The following AUTS2 variants were observed in gnomAD, a reference collection of about 807,000 sequenced individuals.
AUTS2 encodes autism susceptibility gene 2 protein.
In AUTS2, 17 loss-of-function variants were observed where a neutral mutation model predicts 112.4. The observed-to-expected ratio is 0.15, with a 90% CI of 0.10 to 0.23. AUTS2 has a LOEUF of 0.23. Ranked by LOEUF, AUTS2 falls within the 10% of genes least tolerant of loss-of-function variation. AUTS2 has a pLI of 1.00. For missense variants in AUTS2, 1,510 were observed against 1,701.6 expected (o/e 0.89, Z 1.98); for synonymous variants, 751 against 702.7 (o/e 1.07, Z -1.09).
intron 4 of AUTS2, among the ~76,000 whole-genome samples, chr7:70,414,248 A>G (rs939260874): frequency 1.3e-5 from 2 of 152,130 alleles, no homozygotes; most frequent in African/African-American, 2.4e-5. Flanking sequence ...TTGGCCCATC[A>G]TGTAGAGTAA....
intron 4 of AUTS2, among the ~76,000 whole-genome samples, chr7:70,232,304 G>GA (rs1334181799): frequency 1.3e-5 from 2 of 152,096 alleles, no homozygotes; most frequent in Non-Finnish European, 2.9e-5. Context: ...TATTATTAAT[G>GA]AAGCTGCTAT....
Position 70,677,810 on chromosome 7 carries a change from G to A in AUTS2, c.691-20759G>A, listed in dbSNP as rs184419843. On this transcript the variant is annotated intron_variant, in intron 5 of 18. Transcript: ENST00000342771. Reference sequence around the variant, plus strand: ...TAATTTTAGTAGGTTCTGGCCAGGCGCGGTGGCTGACGCCTATAATCCCAG... The same window carrying A: ...TAATTTTAGTAGGTTCTGGCCAGGCACGGTGGCTGACGCCTATAATCCCAG... Among the ~76,000 whole-genome samples, 436 of 152,150 alleles carry A rather than the reference G, an allele frequency of 2.9e-3. 3 individuals carry two copies. Among genetic ancestry groups the A allele is most frequent in the Non-Finnish European group, 4.8e-3 (324 of 68,006 alleles).
intron 4 of AUTS2, among the ~76,000 whole-genome samples, chr7:70,278,210 C>T (rs1048386920): frequency 3.3e-5 from 5 of 152,028 alleles, no homozygotes; most frequent in Non-Finnish European, 5.9e-5. Context: ...TTAGCAAGCA[C>T]AGAATAATAA....
At chr7:70,448,459 T>C (rs746661792) in intron 5 of AUTS2, among the ~76,000 whole-genome samples, 2 of 152,176 alleles carry the variant, frequency 1.3e-5, no homozygotes, top group Non-Finnish European at 1.5e-5. Flanking sequence ...GCTCCCCTCC[T>C]TGGGCTCACA....
chr7:70,450,032 C>T (rs1194171352), intron 5 of AUTS2, among the ~76,000 whole-genome samples: 1 of 152,140 alleles, frequency 6.6e-6, no homozygotes, highest in Non-Finnish European at 1.5e-5. Flanking sequence ...CTGGAGAATC[C>T]AATTTGCATG....
At chr7:70,645,210 C>T (rs946671368) in intron 5 of AUTS2, among the ~76,000 whole-genome samples, 1 of 145,324 alleles carries the variant, frequency 6.9e-6, no homozygotes, top group Non-Finnish European at 1.5e-5. Flanking sequence ...CGCTCCCACC[C>T]TCCCGCCCCC....
At chr7:70,629,713 C>G (rs1179746673) in intron 5 of AUTS2, among the ~76,000 whole-genome samples, 1 of 152,054 alleles carries the variant, frequency 6.6e-6, no homozygotes, top group Non-Finnish European at 1.5e-5. Flanking sequence ...TCATCAGCCT[C>G]GCTGTCTCAC....
At chr7:70,084,542 T>C (rs1039774599) in intron 2 of AUTS2, among the ~76,000 whole-genome samples, 4 of 152,186 alleles carry the variant, frequency 2.6e-5, no homozygotes, top group Admixed American at 2.6e-4. Flanking sequence ...TGCCAATACT[T>C]GTTATGGGCA....
chr7:70,276,960 G>A (rs1207070044), intron 4 of AUTS2, among the ~76,000 whole-genome samples: 3 of 152,194 alleles, frequency 2.0e-5, no homozygotes, highest in East Asian at 1.9e-4. Flanking sequence ...GGAAGGGGAT[G>A]TAAAATGGAT....
rs568501688 is a variant in AUTS2 at position 70,285,645 on chromosome 7, A to G, written c.661-150107A>G. On this transcript the variant is annotated intron_variant, in intron 4 of 18. Coordinates refer to ENST00000342771, the MANE Select transcript of AUTS2 (RefSeq NM_015570.4). ...TTCCATGTACTGATATCTTCTTCCA[A>G]ATTCCTTAAGAGCCTTCATCTGGGT... is the stretch of plus-strand genomic sequence containing the variant. Among the ~76,000 whole-genome samples the G allele has an allele frequency of 2.0e-5, 3 of 152,264 alleles. No individual in the cohort carries two copies. The East Asian group carries it at 5.8e-4, about 29-fold the overall frequency.
intron 2 of AUTS2, among the ~76,000 whole-genome samples, chr7:70,080,670 A>G (rs1803258481): frequency 6.6e-6 from 1 of 152,216 alleles, no homozygotes; most frequent in African/African-American, 2.4e-5. Flanking sequence ...ACTACTGTTT[A>G]CAATCCAAAT....
chr7:69,809,487 T>C (rs1790453339), intron 1 of AUTS2, among the ~76,000 whole-genome samples: 1 of 152,224 alleles, frequency 6.6e-6, no homozygotes, highest in Admixed American at 6.5e-5. Context: ...AAACATGTTA[T>C]GGAAATCTAT....
intron 2 of AUTS2, among the ~76,000 whole-genome samples, chr7:70,016,668 A>AG (rs1800041518): frequency 7.1e-6 from 1 of 140,780 alleles, no homozygotes; most frequent in African/African-American, 2.6e-5. Context: ...GCCTTGACAG[A>AG]TTTTTTTTTT....
intron 4 of AUTS2, among the ~76,000 whole-genome samples, chr7:70,233,708 G>A (rs1812174967): frequency 1.3e-5 from 2 of 152,092 alleles, no homozygotes; most frequent in South Asian, 4.1e-4. Context: ...CTTTTTTGAT[G>A]CTAACATTAT....
intron 4 of AUTS2, among the ~76,000 whole-genome samples, chr7:70,231,068 A>G (rs1015091164): frequency 3.3e-5 from 5 of 152,186 alleles, no homozygotes; most frequent in African/African-American, 9.7e-5. Flanking sequence ...AACACTTCTC[A>G]GTTTATTGCA....
At chr7:69,718,627 T>C (rs1359634789) in intron 1 of AUTS2, among the ~76,000 whole-genome samples, 3 of 152,216 alleles carry the variant, frequency 2.0e-5, no homozygotes, top group Non-Finnish European at 2.9e-5. Context: ...AATCCCCTTA[T>C]TTTAAGATCT....
chr7:70,322,608 G>A (rs1017561438), intron 4 of AUTS2, among the ~76,000 whole-genome samples: 29 of 152,168 alleles, frequency 1.9e-4, no homozygotes, highest in Admixed American at 1.9e-3. Context: ...TGGCCTCTCT[G>A]CTGGTGAGTA....
At chr7:70,358,131 A>G (rs151212531) in intron 4 of AUTS2, among the ~76,000 whole-genome samples, 47 of 152,328 alleles carry the variant, frequency 3.1e-4, no homozygotes, top group African/African-American at 9.9e-4. Context: ...TCTGTCCTGT[A>G]GTTGACTCTT....
intron 5 of AUTS2, among the ~76,000 whole-genome samples, chr7:70,593,555 G>A (rs150762215): frequency 5.1e-4 from 77 of 152,250 alleles, no homozygotes; most frequent in African/African-American, 1.8e-3. Context: ...GACAAGGCCA[G>A]ATTCTAGTCA....
Sources: gnomAD v4.1 joint callset for allele counts (sites outside exome capture counted in the v4.1 genomes callset) on GRCh38, gnomAD v4.1.1 for gene constraint, MANE v1.5 for transcripts, NCBI Gene and HGNC (gene_info 2026-07-23, HGNC 2026-07-21) for gene names.